Variants in RANBP2 observed in about 807,000 individuals in gnomAD.
The protein encoded by RANBP2 is RAN binding protein 2, also known as E3 SUMO-protein ligase RanBP2.
In RANBP2, 57 loss-of-function variants were observed where a neutral mutation model predicts 303.6. The ratio of observed to expected loss-of-function variants is 0.19; its 90% confidence interval spans 0.15 to 0.23. The LOEUF (loss-of-function observed/expected upper bound fraction) is 0.23, where lower values mean the gene tolerates loss of function less well. Ranked by LOEUF, RANBP2 falls within the 10% of genes least tolerant of loss-of-function variation. The pLI, the probability that RANBP2 is intolerant of heterozygous loss-of-function variation, is 1.00. For missense variants in RANBP2, 3,138 were observed against 3,780.8 expected, an observed-to-expected ratio of 0.83 and a Z score of 4.46; for synonymous variants, 1,167 against 1,301.5, an observed-to-expected ratio of 0.90 and a Z score of 2.23.
At chr2:109,410,311 G>C in the RANBP2 span, among the ~76,000 whole-genome samples, 2 of 152,230 alleles carry the variant, frequency 1.3e-5, no homozygotes, top group African/African-American at 2.4e-5. Flanking sequence ...CCATTCACCT[G>C]TGAGCTCTGT....
the RANBP2 span, among the ~76,000 whole-genome samples, chr2:109,716,005 A>G: frequency 1.3e-5 from 2 of 152,134 alleles, no homozygotes; most frequent in Non-Finnish European, 2.9e-5. Flanking sequence ...TTAGAAGTTC[A>G]TTTTGCCAAA....
intron 4 of RANBP2, among the ~76,000 whole-genome samples, chr2:108,733,949 A>T (rs1695370072): frequency 6.6e-6 from 1 of 151,820 alleles, no homozygotes; most frequent in Admixed American, 6.6e-5. Context: ...ACAGTTTCTG[A>T]CATTTGTTTA....
chr2:108,723,235 C>A (rs1417838395), intron 1 of RANBP2, among the ~76,000 whole-genome samples: 1 of 151,250 alleles, frequency 6.6e-6, no homozygotes, highest in Non-Finnish European at 1.5e-5. Flanking sequence ...CACATATATA[C>A]TTTTGTTATT....
chr2:108,741,750 C>T (rs1462250160), intron 7 of RANBP2, among the ~76,000 whole-genome samples: 1 of 145,208 alleles, frequency 6.9e-6, no homozygotes, highest in East Asian at 2.1e-4. Context: ...CTGACCTAGT[C>T]ATCCACCTGC....
chr2:109,325,450 C>T, the RANBP2 span, among the ~76,000 whole-genome samples: 1 of 149,924 alleles, frequency 6.7e-6, no homozygotes, highest in South Asian at 2.2e-4. Flanking sequence ...TAGCAGTCCT[C>T]CCACTTCAGC....
chr2:109,411,686 C>T, the RANBP2 span, among the ~76,000 whole-genome samples: 41 of 152,294 alleles, frequency 2.7e-4, no homozygotes, highest in African/African-American at 8.9e-4. Flanking sequence ...TCGCACCCCT[C>T]GCCCTGGGTA....
the RANBP2 span, among the ~76,000 whole-genome samples, chr2:108,864,683 A>G: frequency 6.6e-6 from 1 of 151,810 alleles, no homozygotes; most frequent in Non-Finnish European, 1.5e-5. Flanking sequence ...AGTCCCAGCT[A>G]CTCGGGAGGC....
chr2:109,301,808 G>A, the RANBP2 span, among the ~76,000 whole-genome samples: 7 of 152,158 alleles, frequency 4.6e-5, no homozygotes, highest in Admixed American at 4.6e-4. Flanking sequence ...CATCCTTCTT[G>A]TCTTCATTCT....
chr2:109,211,970 T>C, the RANBP2 span, among the ~76,000 whole-genome samples: 2 of 152,214 alleles, frequency 1.3e-5, no homozygotes, highest in Admixed American at 6.5e-5. Flanking sequence ...TACCTCTTTC[T>C]AGAAACCTGA....
chr2:109,543,730 G>T, the RANBP2 span: 1 of 159,204 alleles, frequency 6.3e-6, no homozygotes, highest in Non-Finnish European at 1.4e-5. Flanking sequence ...CAAGAGAAAA[G>T]ATTTAGATTC....
At chr2:109,617,834 C>CA in the RANBP2 span, 2 of 159,306 alleles carry the variant, frequency 1.3e-5, no homozygotes, top group African/African-American at 2.4e-5. Context: ...GCCTGGCCAA[C>CA]ATGGTGAAAA....
the RANBP2 span, chr2:109,553,207 G>A: frequency 6.2e-7 from 1 of 1,613,862 alleles, no homozygotes; most frequent in Non-Finnish European, 8.5e-7. Flanking sequence ...TGGCTTCATA[G>A]GTCTCTTGAA....
the RANBP2 span, among the ~76,000 whole-genome samples, chr2:109,222,749 C>G: frequency 6.6e-6 from 1 of 152,226 alleles, no homozygotes; most frequent in African/African-American, 2.4e-5. Flanking sequence ...TCCAGTGTTT[C>G]TGTTAAATTA....
the RANBP2 span, among the ~76,000 whole-genome samples, chr2:108,809,448 T>TTGTGTGTGTGTGTGTG: frequency 7.1e-6 from 1 of 141,138 alleles, no homozygotes; most frequent in South Asian, 2.4e-4. Flanking sequence ...ACATGAAATG[T>TTGTGTGTGTGTGTGTG]TGTGTGTGTG....
the RANBP2 span, among the ~76,000 whole-genome samples, chr2:108,899,051 G>GT: frequency 6.6e-6 from 1 of 152,206 alleles, no homozygotes; most frequent in South Asian, 2.1e-4. Context: ...GTAAAGAGAC[G>GT]TAAGTCTACA....
chr2:109,462,709 A>G, the RANBP2 span, among the ~76,000 whole-genome samples: 1 of 152,322 alleles, frequency 6.6e-6, no homozygotes, highest in East Asian at 1.9e-4. Context: ...CAATGTGAGG[A>G]TTCTGCCTGC....
chr2:109,009,895 C>G, the RANBP2 span, among the ~76,000 whole-genome samples: 2 of 152,018 alleles, frequency 1.3e-5, no homozygotes, highest in Non-Finnish European at 2.9e-5. Flanking sequence ...TAATTGGGAT[C>G]ACACTATACA....
At chr2:108,884,788 G>T in the RANBP2 span, 1 of 152,032 alleles carries the variant, frequency 6.6e-6, no homozygotes, top group African/African-American at 2.4e-5. Context: ...TTTCTCTTTC[G>T]AAAGCCGGGC....
the RANBP2 span, among the ~76,000 whole-genome samples, chr2:109,588,850 T>TTA: frequency 3.6e-5 from 4 of 111,446 alleles, no homozygotes; most frequent in East Asian, 1.0e-3. Flanking sequence ...CAATTACTAT[T>TTA]AAAAAAAAAA....
Sources: allele counts gnomAD v4.1 joint callset (sites outside exome capture counted in the v4.1 genomes callset), GRCh38; gene constraint gnomAD v4.1.1; transcripts MANE v1.5; gene names NCBI Gene and HGNC (gene_info 2026-07-23, HGNC 2026-07-21).